The following ZNF521 variants were observed in gnomAD, a reference collection of about 807,000 sequenced individuals.
ZNF521 encodes zinc finger protein 521, also known as LYST-interacting protein 3.
ZNF521 carries 14 observed loss-of-function variants against 105.5 expected under a neutral mutation model. The ratio of observed to expected loss-of-function variants is 0.13; its 90% CI spans 0.09 to 0.21. ZNF521 has a LOEUF of 0.21. ZNF521 is among the 10% of genes least tolerant of loss of function. The probability of loss-of-function intolerance (pLI) is 1.00; values close to 1 mark genes in which losing one functional copy is unlikely to be tolerated. For synonymous variants in ZNF521, 635 were observed against 606.0 expected (o/e 1.05, Z -0.70); for missense variants, 1,233 against 1,629.7 (o/e 0.76, Z 4.19).
chr18:25,162,442 G>A (rs967182861), intron 5 of ZNF521, among the ~76,000 whole-genome samples: 1 of 152,080 alleles, frequency 6.6e-6, no homozygotes, highest in African/African-American at 2.4e-5. Context: ...TAAATAACTA[G>A]GGCATCACTA....
intron 2 of ZNF521, among the ~76,000 whole-genome samples, chr18:25,331,287 T>C (rs1157957424): frequency 6.6e-6 from 1 of 151,788 alleles, no homozygotes; most frequent in Admixed American, 6.6e-5. Flanking sequence ...CAAGCACTAA[T>C]TTCTCGATAG....
At chr18:25,127,828 G>A (rs1020892512) in intron 5 of ZNF521, among the ~76,000 whole-genome samples, 10 of 151,962 alleles carry the variant, frequency 6.6e-5, no homozygotes, top group Non-Finnish European at 1.2e-4. Flanking sequence ...AGACTTGGTT[G>A]ATTTGGTCTC....
chr18:25,170,969 T>G (rs2035439064), intron 5 of ZNF521, among the ~76,000 whole-genome samples: 1 of 152,072 alleles, frequency 6.6e-6, no homozygotes, highest in Non-Finnish European at 1.5e-5. Flanking sequence ...GTTAAGAAAA[T>G]ATAGTTAGAT....
At chr18:25,112,119 T>G (rs8092754) in intron 5 of ZNF521, among the ~76,000 whole-genome samples, 9,243 of 152,258 alleles carry the variant, frequency 0.061, 494 homozygotes, top group East Asian at 0.13. Context: ...TGGCCTACTC[T>G]CCTGTCCTCT....
rs564200920 is a variant in ZNF521, at chr18:25,307,977, G to A, written c.220+14031C>T. On this transcript the variant is annotated intron_variant, in intron 3 of 7. Coordinates refer to ENST00000361524, the MANE Select transcript of ZNF521 (RefSeq NM_015461.3). ...AGCACTTTGGGAGGCCAAGGTGGGC[G>A]GATCACCTGAGGTCAAGAGTTCAAG... 1.7e-4 allele frequency among the ~76,000 whole-genome samples: 26 copies of A among 152,018 alleles called. No individual in the cohort carries two copies. The East Asian group carries it at 4.3e-3, about 25-fold the overall frequency.
intron 5 of ZNF521, among the ~76,000 whole-genome samples, chr18:25,102,084 T>C (rs2033976119): frequency 1.3e-5 from 2 of 152,154 alleles, no homozygotes; most frequent in South Asian, 4.1e-4. Context: ...GATAAAGCTT[T>C]TATGTTTGAA....
intron 3 of ZNF521, among the ~76,000 whole-genome samples, chr18:25,294,955 T>A (rs890823823): frequency 2.0e-5 from 3 of 151,256 alleles, no homozygotes; most frequent in African/African-American, 7.3e-5. Context: ...TAGTTTCTTT[T>A]AAAAAAAATT....
chr18:25,085,974 T>C (rs1458390804), intron 7 of ZNF521, among the ~76,000 whole-genome samples: 1 of 152,092 alleles, frequency 6.6e-6, no homozygotes, highest in East Asian at 1.9e-4. Flanking sequence ...CCAAATAAAT[T>C]GTATACTTTA....
chr18:25,197,016 C>CT lies in ZNF521; in HGVS notation c.3574-1773dup, dbSNP rs561199208. Among the ~76,000 whole-genome samples, 53 of 151,454 alleles carry CT rather than the reference C, an allele frequency of 3.5e-4. No homozygotes were observed. The South Asian group carries it at 0.01, about 30-fold the overall frequency. ...AATATGTTGGCAGAATATACTAGGG[C>CT]TTTTTTTTCCCCAGTCTAATAATAA... On this transcript the variant is annotated intron_variant, in intron 4 of 7. Coordinates refer to ENST00000361524, the MANE Select transcript of ZNF521 (RefSeq NM_015461.3).
chr18:25,093,332 A>G (rs2033787120), intron 5 of ZNF521, among the ~76,000 whole-genome samples: 1 of 152,126 alleles, frequency 6.6e-6, no homozygotes, highest in African/African-American at 2.4e-5. Context: ...TTGTTATCAC[A>G]TTACACTTTT....
At chr18:25,219,602 T>C (rs189727584) in intron 4 of ZNF521, among the ~76,000 whole-genome samples, 82 of 152,200 alleles carry the variant, frequency 5.4e-4, no homozygotes, top group Non-Finnish European at 9.4e-4. Context: ...GGCAGGTGGA[T>C]TGCTTGAGCC....
At chr18:25,152,324 C>T (rs1344974152) in intron 5 of ZNF521, among the ~76,000 whole-genome samples, 4 of 151,724 alleles carry the variant, frequency 2.6e-5, no homozygotes, top group African/African-American at 9.7e-5. Context: ...ACTAAAAAAA[C>T]AAAAATTAAC....
At position 25,306,708 on chromosome 18, in the gene ZNF521, T is replaced by C. The variant is rs904296154; in HGVS notation, c.220+15300A>G. Reference sequence around the variant, plus strand: ...CAGCTACAAGAGGCCTTATAAGTAGTAATCAATCTGAGAAGAAGAGATCCT... The same window carrying C: ...CAGCTACAAGAGGCCTTATAAGTAGCAATCAATCTGAGAAGAAGAGATCCT... On this transcript the variant is annotated intron_variant, in intron 3 of 7. Coordinates refer to ENST00000361524, the MANE Select transcript of ZNF521 (RefSeq NM_015461.3). Among the ~76,000 whole-genome samples, 5 of 152,022 alleles carry C rather than the reference T, an allele frequency of 3.3e-5. No individual in the cohort carries two copies. The South Asian group carries it at 1.0e-3, about 32-fold the overall frequency.
At chr18:25,089,131 G>A (rs543066148) in intron 7 of ZNF521, among the ~76,000 whole-genome samples, 23 of 152,276 alleles carry the variant, frequency 1.5e-4, no homozygotes, top group Admixed American at 5.2e-4. Context: ...AGTGGGAACA[G>A]AACATGAATA....
intron 5 of ZNF521, among the ~76,000 whole-genome samples, chr18:25,107,604 T>C (rs927927786): frequency 6.6e-5 from 10 of 152,222 alleles, no homozygotes; most frequent in African/African-American, 2.4e-4. Flanking sequence ...AAGGCAGCTA[T>C]GTGTACCACT....
intron 3 of ZNF521, among the ~76,000 whole-genome samples, chr18:25,321,627 T>G (rs1912938791): frequency 6.6e-6 from 1 of 152,210 alleles, no homozygotes; most frequent in African/African-American, 2.4e-5. Context: ...CAGAAAAGGT[T>G]TCCTTCAGGA....
Position 25,172,418 on chromosome 18 carries a change from T to A in ZNF521, c.3658+22742A>T, listed in dbSNP as rs8086130. Among the ~76,000 whole-genome samples, 784 of 152,306 alleles carry A rather than the reference T, an allele frequency of 5.1e-3. 6 individuals carry two copies. Among genetic ancestry groups the A allele is most frequent in the African/African-American group, 0.018 (735 of 41,578 alleles). On this transcript the variant is annotated intron_variant, in intron 5 of 7. Coordinates refer to ENST00000361524, the MANE Select transcript of ZNF521 (RefSeq NM_015461.3). ...AATATGAGATAGTCCAGTCGAGTCC[T>A]CCATTTCAGTCATGACCTCTATGCT...
rs187817344 is a variant in ZNF521, at chr18:25,190,726, C to T, written c.3658+4434G>A. 3.2e-3 allele frequency among the ~76,000 whole-genome samples: 488 copies of T among 152,268 alleles called. 3 individuals carry two copies. The highest frequency in any genetic ancestry group is 3.4e-3 in the Non-Finnish European group (232 of 68,016). ...AAACAAATTGCAGGAAGTATGAATG[C>T]CACCTGCCACAAGAACAGACTAAAA... On this transcript the variant is annotated intron_variant, in intron 5 of 7. Coordinates refer to ENST00000361524, the MANE Select transcript of ZNF521 (RefSeq NM_015461.3).
chr18:25,340,029 G>C (rs1206884552), intron 2 of ZNF521, among the ~76,000 whole-genome samples: 2 of 152,144 alleles, frequency 1.3e-5, no homozygotes, highest in African/African-American at 2.4e-5. Context: ...ATTGAAGGTG[G>C]CTAGTCAAAC....
Sources: gnomAD v4.1 joint callset for allele counts (sites outside exome capture counted in the v4.1 genomes callset) on GRCh38, gnomAD v4.1.1 for gene constraint, MANE v1.5 for transcripts, NCBI Gene and HGNC (gene_info 2026-07-23, HGNC 2026-07-21) for gene names.